LDLRAD4: variants seen among roughly 807,000 people sequenced by gnomAD.
LDLRAD4 encodes low density lipoprotein receptor class A domain containing 4.
Under a neutral mutation model 17.0 loss-of-function variants are expected in LDLRAD4, and 5 were observed. The ratio of observed to expected loss-of-function variants is 0.29; its 90% CI spans 0.15 to 0.62. The LOEUF (loss-of-function observed/expected upper bound fraction) is 0.62. Ranked by LOEUF, LDLRAD4 falls within the 20% of genes least tolerant of loss-of-function variation. The pLI is 0.84. For synonymous variants in LDLRAD4, 168 were observed against 171.8 expected, an observed-to-expected ratio of 0.98 and a Z score of 0.17; for missense variants, 340 against 424.7, an observed-to-expected ratio of 0.80 and a Z score of 1.75.
chr18:13,612,454 C>T lies in LDLRAD4; in HGVS notation c.182-8663C>T. The T allele has an allele frequency of 2.3e-6, 3 of 1,291,136 alleles. No homozygotes were observed. In the South Asian group the frequency reaches 6.6e-5, roughly 28 times the overall value. The allele number at this position is 1,291,136 out of a possible 1,614,324, so 80.0% of individuals were successfully genotyped here. On this transcript the variant is annotated intron_variant, in intron 3 of 5. Coordinates refer to ENST00000359446, the Ensembl canonical transcript of LDLRAD4. The stretch of plus-strand genomic sequence containing the variant: ...GCAGTTGATAATTGGTAGCCACAGT[C>T]TGCGGTCGGAGCCACAGCATTTGAG...
chr18:13,424,135 CAAAGAAAAAAAA>C (rs2089725897), intron 2 of LDLRAD4, among the ~76,000 whole-genome samples: 1 of 146,836 alleles, frequency 6.8e-6, no homozygotes, highest in African/African-American at 2.6e-5. Flanking sequence ...AACTCCATCT[CAAAGAAAAAAAA>C]GAAAGAAAAA....
chr18:13,627,045 A>C (rs1327584802), intron 4 of LDLRAD4, among the ~76,000 whole-genome samples: 1 of 152,200 alleles, frequency 6.6e-6, no homozygotes, highest in Admixed American at 6.5e-5. Context: ...CGAGGTGGGC[A>C]GATCACTTGA....
At chr18:13,466,820 T>G (rs1600564004) in intron 3 of LDLRAD4, among the ~76,000 whole-genome samples, 1 of 152,312 alleles carries the variant, frequency 6.6e-6, no homozygotes, top group East Asian at 1.9e-4. Context: ...AGATGGAACA[T>G]TCTTGTTATA....
intron 3 of LDLRAD4, among the ~76,000 whole-genome samples, chr18:13,602,297 C>G (rs1054752536): frequency 6.6e-6 from 1 of 152,022 alleles, no homozygotes; most frequent in Non-Finnish European, 1.5e-5. Flanking sequence ...GCACATGTAC[C>G]CCCGAACCTG....
chr18:13,590,753 A>G (rs4797788), intron 3 of LDLRAD4, among the ~76,000 whole-genome samples: 66,645 of 152,124 alleles, frequency 0.44, 15,301 homozygotes, highest in East Asian at 0.65. Flanking sequence ...TTAAAAGCTC[A>G]GGAAAGCTTA....
chr18:13,417,134 CA>C lies in LDLRAD4; in HGVS notation c.41-21109del, dbSNP rs540931659. Among the ~76,000 whole-genome samples the C allele has an allele frequency of 2.5e-4, 38 of 152,316 alleles. No individual in the cohort carries two copies. The South Asian group carries it at 7.7e-3, about 31-fold the overall frequency. On this transcript the variant is annotated intron_variant, in intron 2 of 5. Coordinates refer to ENST00000359446, the Ensembl canonical transcript of LDLRAD4. ...AGTTGTTACATTAGAAAAGTGAAGG[CA>C]GATAATCCTGTGGGGAATGGCTTGT...
intron 1 of LDLRAD4, among the ~76,000 whole-genome samples, chr18:13,349,299 G>A (rs1192189647): frequency 6.6e-6 from 1 of 152,164 alleles, no homozygotes; most frequent in Non-Finnish European, 1.5e-5. Flanking sequence ...CTCCTACTAT[G>A]TATTATTGTT....
intron 1 of LDLRAD4, among the ~76,000 whole-genome samples, chr18:13,258,857 C>T (rs1232309628): frequency 1.3e-5 from 2 of 152,168 alleles, no homozygotes; most frequent in Non-Finnish European, 2.9e-5. Context: ...GAAAAACTAG[C>T]CTTTTACCTC....
At chr18:13,609,450 T>C (rs1318426946) in intron 3 of LDLRAD4, among the ~76,000 whole-genome samples, 4 of 152,212 alleles carry the variant, frequency 2.6e-5, no homozygotes, top group Admixed American at 1.3e-4. Flanking sequence ...TGTGCCTGTG[T>C]TTAAGCCACA....
At chr18:13,393,183 G>A (rs1349086219) in intron 2 of LDLRAD4, among the ~76,000 whole-genome samples, 2 of 152,098 alleles carry the variant, frequency 1.3e-5, no homozygotes, top group African/African-American at 2.4e-5. Flanking sequence ...CTCAGCCCCC[G>A]CCTTCCAGAG....
rs1441512758 is a variant in LDLRAD4, at chr18:13,594,663, C to A, written c.182-26454C>A. Among the ~76,000 whole-genome samples, 8 of 31,176 alleles carry A rather than the reference C, an allele frequency of 2.6e-4. 1 individual carries two copies. The highest frequency in any genetic ancestry group is 9.7e-4 in the South Asian group (1 of 1,030). 20.5% of individuals were successfully genotyped at this position (31,176 alleles called of 152,430 possible). A position where few individuals can be genotyped will look rare whatever the true frequency, so the allele number is the denominator to read the frequency against. On this transcript the variant is annotated intron_variant, in intron 3 of 5. Coordinates refer to ENST00000359446, the Ensembl canonical transcript of LDLRAD4. ...CCTGGGTGACAGAGCAAGATTCCAT[C>A]TCAAAAAAAAAAAAAAAAAAAAAAA...
At chr18:13,630,815 A>G (rs1317064127) in intron 4 of LDLRAD4, among the ~76,000 whole-genome samples, 1 of 152,256 alleles carries the variant, frequency 6.6e-6, no homozygotes, top group Non-Finnish European at 1.5e-5. Flanking sequence ...TTACAAAACA[A>G]TACTTACAGT....
chr18:13,278,572 G>A (rs1287150655), intron 1 of LDLRAD4, among the ~76,000 whole-genome samples: 1 of 152,200 alleles, frequency 6.6e-6, no homozygotes, highest in Non-Finnish European at 1.5e-5. Context: ...CTGTCTCATT[G>A]TCAGGCTTCA....
intron 3 of LDLRAD4, among the ~76,000 whole-genome samples, chr18:13,457,872 G>A (rs1035293358): frequency 1.3e-5 from 2 of 152,210 alleles, no homozygotes; most frequent in African/African-American, 2.4e-5. Flanking sequence ...ATGAAGGCAG[G>A]ACCATGCTCA....
At chr18:13,611,901 A>G (rs1601704833) in intron 3 of LDLRAD4, 1 of 985,244 alleles carries the variant, frequency 1.0e-6, no homozygotes, top group South Asian at 4.7e-5. Flanking sequence ...CAGTTAGAGG[A>G]TGTGGAGAGG....
chr18:13,589,902 G>T (rs1440461477), intron 3 of LDLRAD4, among the ~76,000 whole-genome samples: 5 of 152,188 alleles, frequency 3.3e-5, no homozygotes, highest in African/African-American at 1.2e-4. Context: ...TGCTGGGCCT[G>T]CCCTGCAATC....
intron 1 of LDLRAD4, among the ~76,000 whole-genome samples, chr18:13,326,306 C>T (rs192814809): frequency 3.4e-4 from 51 of 152,204 alleles, no homozygotes; most frequent in Non-Finnish European, 6.0e-4. Flanking sequence ...CGAATGATTA[C>T]ATTCTTGTGA....
chr18:13,579,658 C>G (rs1166701393), intron 3 of LDLRAD4, among the ~76,000 whole-genome samples: 2 of 152,232 alleles, frequency 1.3e-5, no homozygotes, highest in Admixed American at 1.3e-4. Context: ...CTGGACTTAG[C>G]TTCCCAGGCA....
At chr18:13,515,734 T>A (rs2093855222) in intron 3 of LDLRAD4, 1 of 152,226 alleles carries the variant, frequency 6.6e-6, no homozygotes, top group African/African-American at 2.4e-5. Context: ...TATATTACGA[T>A]CACTACTGCT....
Sources: allele counts gnomAD v4.1 joint callset (sites outside exome capture counted in the v4.1 genomes callset), GRCh38; gene constraint gnomAD v4.1.1; transcripts MANE v1.5; gene names NCBI Gene and HGNC (gene_info 2026-07-23, HGNC 2026-07-21).